TLE3: variants seen among roughly 807,000 people sequenced by gnomAD.
TLE3 encodes TLE family member 3, transcriptional corepressor.
In TLE3, 14 loss-of-function variants were observed where a neutral mutation model predicts 93.0. The ratio of observed to expected loss-of-function variants is 0.15; its 90% CI spans 0.10 to 0.24. The LOEUF is 0.24. Ranked by LOEUF, TLE3 falls within the 10% of genes least tolerant of loss-of-function variation. TLE3 has a pLI of 1.00. For missense variants in TLE3, 693 were observed against 1,046.6 expected, an observed-to-expected ratio of 0.66 and a Z score of 4.66; for synonymous variants, 451 against 425.0, an observed-to-expected ratio of 1.06 and a Z score of -0.75.
At chr15:70,088,505 CAG>C (rs2058141773) in intron 4 of TLE3, among the ~76,000 whole-genome samples, 1 of 152,180 alleles carries the variant, frequency 6.6e-6, no homozygotes, top group African/African-American at 2.4e-5. Flanking sequence ...CTGTGAGTCT[CAG>C]AGAGCATTTG....
At chr15:70,081,690 A>G (rs554255581) in intron 4 of TLE3, among the ~76,000 whole-genome samples, 1 of 152,346 alleles carries the variant, frequency 6.6e-6, no homozygotes, top group East Asian at 1.9e-4. Context: ...TTCTAGTTAC[A>G]TTTGTGAAAT....
At chr15:70,079,843 C>T (rs1044451932) in intron 4 of TLE3, among the ~76,000 whole-genome samples, 2 of 152,046 alleles carry the variant, frequency 1.3e-5, no homozygotes, top group Admixed American at 1.3e-4. Context: ...AACATCTCCA[C>T]TTTTCAGATG....
intron 4 of TLE3, among the ~76,000 whole-genome samples, chr15:70,080,030 TCAAA>T (rs1433876679): frequency 7.0e-6 from 1 of 142,734 alleles, no homozygotes; most frequent in Non-Finnish European, 1.5e-5. Flanking sequence ...TGGATCCAAC[TCAAA>T]CAAGCTCTAA....
At chr15:70,084,194 A>C (rs1227299713) in intron 4 of TLE3, among the ~76,000 whole-genome samples, 1 of 152,204 alleles carries the variant, frequency 6.6e-6, no homozygotes, top group South Asian at 2.1e-4. Context: ...TGGTAAGCAA[A>C]TCTCCCAGGT....
In TLE3 at chr15:70,095,559, G is replaced by T. The variant is rs1270942068; in HGVS notation, c.189+19C>A. 1.3e-6 allele frequency: 2 copies of T among 1,549,838 alleles called. No homozygotes were observed. The highest frequency in any genetic ancestry group is 3.9e-5 in the Admixed American group (2 of 50,890). On this transcript the variant is annotated intron_variant, in intron 3 of 19. Coordinates refer to ENST00000451782, the MANE Select transcript of TLE3 (RefSeq NM_001105192.3). ...GGTCGGCGCCCCAACCGCCCCCCAG[G>T]CCCGCGGCCGCATCTCACCATCACA...
At chr15:70,084,166 C>A (rs2057929183) in intron 4 of TLE3, among the ~76,000 whole-genome samples, 1 of 152,182 alleles carries the variant, frequency 6.6e-6, no homozygotes, top group African/African-American at 2.4e-5. Flanking sequence ...CACAGGAAGA[C>A]CACACAGGAA....
In TLE3 at chr15:70,096,260, G is replaced by A; in HGVS notation, c.26C>T (p.Ala9Val). The A allele has an allele frequency of 1.9e-6, 3 of 1,553,052 alleles. No individual in the cohort carries two copies. Among genetic ancestry groups the A allele is most frequent in the Non-Finnish European group, 2.6e-6 (3 of 1,148,138 alleles). ...TCCCGGCTGCCCGGGTTGATGGGGA[G>A]CCTGGAGCCCGCGAAGACAAGACAG... MYPQGRHP[A>V]PHQPGQPGFK... Residue 9 changes from alanine to valine, a missense_variant and splice_region_variant, in exon 2 of 20, where the codon GCT becomes GTT. By Grantham distance (64) the Ala-to-Val change is moderately conservative. Around this residue, in one of 4 missense-constraint regions of TLE3, gnomAD observed 31 missense variants for 24.0 expected, o/e 1.29. Transcript: ENST00000451782.
chr15:70,072,288 TA>T (rs1254072359), intron 6 of TLE3, among the ~76,000 whole-genome samples: 1 of 152,090 alleles, frequency 6.6e-6, no homozygotes, highest in East Asian at 1.9e-4. Flanking sequence ...TCTTAAAACT[TA>T]AAAAAAATTA....
Position 70,096,171 on chromosome 15 carries a change from G to T in TLE3, c.115C>A (p.Gln39Lys). The T allele has an allele frequency of 1.3e-6, 2 of 1,556,962 alleles. No homozygotes were observed. Among genetic ancestry groups the T allele is most frequent in the East Asian group, 2.4e-5 (1 of 41,396 alleles). ...CCCCACCGGCCTTACCTGTGATACT[G>T]AGCTTGCAGGAACTGGAATTCGTCT... ...IKDEFQFLQA[Q>K]YHSLKVEYDK... Residue 39 changes from glutamine (Q) to lysine (K), a missense_variant, in exon 2 of 20, where the codon CAG (glutamine) becomes AAG (lysine). Gln to Lys is a moderately conservative substitution (Grantham distance 53). Transcript: ENST00000451782.
At position 70,096,528 on chromosome 15, in the gene TLE3, T is replaced by G. The variant is rs943618966; in HGVS notation, c.24+247A>C. On this transcript the variant is annotated intron_variant, in intron 1 of 19. Coordinates refer to ENST00000451782, the MANE Select transcript of TLE3 (RefSeq NM_001105192.3). ...AGACAAGCCGGGTGAGTTGGGAGAC[T>G]TCAGAGCGGGGCCGGGGACCGCGTG... The G allele has an allele frequency of 1.7e-5, 22 of 1,331,396 alleles. No individual in the cohort carries two copies. In the African/African-American group the frequency reaches 3.2e-4, roughly 19 times the overall value. The allele number at this position is 1,331,396 out of a possible 1,614,324, so 82.5% of individuals were successfully genotyped here. A position where few individuals can be genotyped will look rare whatever the true frequency, so the allele number is the denominator to read the frequency against.
chr15:70,066,168 C>CG lies in TLE3; in HGVS notation c.422dup (p.Val142GlyfsTer42). 1.3e-6 allele frequency: 2 copies of CG among 1,544,024 alleles called. No individual in the cohort carries two copies. Among genetic ancestry groups the CG allele is most frequent in the South Asian group, 1.3e-5 (1 of 79,560 alleles). ...CTGACGGGTGGGGTGGCAACTGGAC[C>CG]GGGGGGCCGTGTGTGGCATGGGAGA... is the stretch of plus-strand genomic sequence containing the variant. On this transcript the variant is annotated frameshift_variant, in exon 7 of 20. Coordinates refer to ENST00000451782, the MANE Select transcript of TLE3 (RefSeq NM_001105192.3). LOFTEE classifies it high-confidence loss of function.
At chr15:70,089,979 AAAGT>A (rs2058232306) in intron 4 of TLE3, among the ~76,000 whole-genome samples, 1 of 152,210 alleles carries the variant, frequency 6.6e-6, no homozygotes, top group South Asian at 2.1e-4. Flanking sequence ...GTTGATCTGT[AAAGT>A]AAGGACAAGG....
intron 4 of TLE3, among the ~76,000 whole-genome samples, chr15:70,094,015 C>T (rs926570341): frequency 6.6e-6 from 1 of 152,142 alleles, no homozygotes; most frequent in Non-Finnish European, 1.5e-5. Flanking sequence ...GTATTTCATT[C>T]TGGCTTCATA....
intron 16 of TLE3, chr15:70,053,606 G>C (rs1376887648): frequency 1.0e-5 from 4 of 401,524 alleles, no homozygotes; most frequent in South Asian, 5.2e-5. Context: ...CTGGGAAATG[G>C]GGGGGGGAGG....
At chr15:70,054,774 C>T (rs1312422018) in intron 15 of TLE3, 89 bp from the exon 16 acceptor site, 7 of 1,448,732 alleles carry the variant, frequency 4.8e-6, no homozygotes, top group Non-Finnish European at 6.4e-6. Context: ...AGCACCCTCA[C>T]CAGTCCTGCT....
chr15:70,076,149 C>T lies in TLE3; in HGVS notation c.244G>A (p.Ala82Thr). Residue 82 changes from alanine to threonine, a missense_variant, in exon 5 of 20, where the codon GCG becomes ACG. Ala to Thr is a moderately conservative substitution (Grantham distance 58). Transcript: ENST00000451782. ...GCTAAAATTGTGTTCAGTCTCTTCGCAATCTCTGTCTGCAAAGGCAAGGAG... is the reference window on the plus strand; with the variant it reads ...GCTAAAATTGTGTTCAGTCTCTTCGTAATCTCTGTCTGCAAAGGCAAGGAG... Reference protein sequence around the residue: ...NIEMHKQTEIAKRLNTILAQI... With the variant: ...NIEMHKQTEITKRLNTILAQI... 1 of 1,614,044 alleles carries T rather than the reference C, an allele frequency of 6.2e-7. No homozygotes were observed. Among genetic ancestry groups the T allele is most frequent in the Non-Finnish European group, 8.5e-7 (1 of 1,179,886 alleles).
rs1425836937 is a variant in TLE3 at position 70,096,226 on chromosome 15, G to A, written c.60C>T (p.Phe20=). ...PHQPGQPGFK[F]TVAESCDRIK... is the part of the protein sequence containing the mutation. ...TCCTGTCACAAGACTCAGCCACCGT[G>A]AATTTAAATCCCGGCTGCCCGGGTT... Residue 20 remains phenylalanine (F), a synonymous_variant, in exon 2 of 20, where the codon TTC becomes TTT. Transcript: ENST00000451782. 8 of 1,559,284 alleles carry A rather than the reference G, an allele frequency of 5.1e-6. No homozygotes were observed. The highest frequency in any genetic ancestry group is 5.2e-6 in the Non-Finnish European group (6 of 1,151,382).
chr15:70,096,223 C>T lies in TLE3; in HGVS notation c.63G>A (p.Thr21=). ...TGATCCTGTCACAAGACTCAGCCAC[C>T]GTGAATTTAAATCCCGGCTGCCCGG... The part of the protein sequence containing the change: ...HQPGQPGFKF[T]VAESCDRIKD... The change falls in exon 2 of 20, where the codon ACG becomes ACA. Residue 21 remains threonine (T), a synonymous_variant. Coordinates refer to ENST00000451782, the MANE Select transcript of TLE3 (RefSeq NM_001105192.3). 3 of 1,560,168 alleles carry T rather than the reference C, an allele frequency of 1.9e-6. No individual in the cohort carries two copies. Among genetic ancestry groups the T allele is most frequent in the East Asian group, 2.4e-5 (1 of 41,594 alleles).
At position 70,079,572 on chromosome 15, in the gene TLE3, C is replaced by T. The variant is rs550462996; in HGVS notation, c.235-3414G>A. 14 of 382,564 alleles carry T rather than the reference C, an allele frequency of 3.7e-5. No homozygotes were observed. The Admixed American group carries it at 7.1e-4, about 19-fold the overall frequency. 23.7% of individuals were successfully genotyped at this position (382,564 alleles called of 1,614,324 possible). A position where few individuals can be genotyped will look rare whatever the true frequency, so the allele number is the denominator to read the frequency against. The stretch of plus-strand genomic sequence containing the variant: ...AAGTGGAAGCAGGGATTGGGCCTCC[C>T]CCATCTCTACAAAGGCTGCCCAACC... On this transcript the variant is annotated intron_variant, in intron 4 of 19. Transcript: ENST00000451782.
Sources: gnomAD v4.1 joint callset for allele counts (sites outside exome capture counted in the v4.1 genomes callset) on GRCh38, gnomAD v4.1.1 for gene constraint, gnomAD v4.1.1 regional missense constraint, MANE v1.5 for transcripts, NCBI Gene and HGNC (gene_info 2026-07-23, HGNC 2026-07-21) for gene names.